SYN1: variants seen among roughly 807,000 people sequenced by gnomAD.
The protein encoded by SYN1 is synapsin I, also known as synapsin-1.
A neutral mutation model predicts 44.6 loss-of-function variants in SYN1; 8 were observed. The observed-to-expected ratio is 0.18, with a 90% CI of 0.11 to 0.32. The LOEUF is 0.32. SYN1 is among the 10% of genes least tolerant of loss of function. The pLI, the probability that SYN1 is intolerant of heterozygous loss-of-function variation, is 1.00. For missense variants in SYN1, 451 were observed against 639.4 expected (o/e 0.71, Z 3.18); for synonymous variants, 275 against 280.1 (o/e 0.98, Z 0.18).
intron 5 of SYN1, among the ~76,000 whole-genome samples, chrX:47,589,409 A>C (rs776248156): frequency 1.4e-3 from 152 of 108,342 alleles, no homozygotes; most frequent in East Asian, 8.4e-3. Flanking sequence ...CTGGCTAACA[A>C]GGTGAAACCC....
chrX:47,583,286 A>G lies in SYN1; in HGVS notation c.775-5785T>C, dbSNP rs41415045. Reference sequence around the variant, plus strand: ...AATCCCTAAGCTTACCAACCCCTCAAGCCCAAATCCAGCCCCCTAATCCCC... The same window carrying G: ...AATCCCTAAGCTTACCAACCCCTCAGGCCCAAATCCAGCCCCCTAATCCCC... On this transcript the variant is annotated intron_variant, in intron 5 of 12. Transcript: ENST00000295987. 2.5e-4 allele frequency: 125 copies of G among 491,170 alleles called. No homozygotes were observed. The African/African-American group carries it at 2.8e-3, about 11-fold the overall frequency. 40.5% of individuals were successfully genotyped at this position (491,170 alleles called of 1,213,427 possible).
chrX:47,613,376 G>A (rs770692582), intron 1 of SYN1, among the ~76,000 whole-genome samples: 22 of 111,198 alleles, frequency 2.0e-4, no homozygotes, highest in African/African-American at 6.5e-4. Flanking sequence ...CAGTGTTACT[G>A]CTGAATGTCC....
chrX:47,619,330 G>T, intron 1 of SYN1, 22 bp downstream of exon 1: 1 of 1,200,627 alleles, frequency 8.3e-7, no homozygotes, highest in South Asian at 1.8e-5. Flanking sequence ...GCCCACGGGA[G>T]ACGTCCGCGG....
intron 1 of SYN1, among the ~76,000 whole-genome samples, chrX:47,612,300 G>T (rs761524878): frequency 9.0e-6 from 1 of 110,752 alleles, no homozygotes; most frequent in Non-Finnish European, 1.9e-5. Context: ...GGCACCAAAT[G>T]ATTGTGCATC....
chrX:47,577,422 C>T lies in SYN1; in HGVS notation c.837+17G>A, dbSNP rs2057781358. On this transcript the variant is annotated intron_variant, in intron 6 of 12. Coordinates refer to ENST00000295987, the MANE Select transcript of SYN1 (RefSeq NM_006950.3). Reference sequence around the variant, plus strand: ...CAAATACACATCTACCTATGCACAGCCCAGCCAGAGACTCACCTTGCCCAT... The same window carrying T: ...CAAATACACATCTACCTATGCACAGTCCAGCCAGAGACTCACCTTGCCCAT... The T allele has an allele frequency of 3.3e-6, 4 of 1,204,388 alleles. No individual in the cohort carries two copies. The highest frequency in any genetic ancestry group is 4.5e-6 in the Non-Finnish European group (4 of 891,382).
chrX:47,603,908 T>TATATA (rs1569330170), intron 5 of SYN1, among the ~76,000 whole-genome samples: 59 of 81,774 alleles, frequency 7.2e-4, no homozygotes, highest in African/African-American at 2.3e-3. Flanking sequence ...ATATATATAT[T>TATATA]TTTTTTTTTT....
At chrX:47,606,199 A>T (rs959974646) in intron 3 of SYN1, among the ~76,000 whole-genome samples, 7 of 109,977 alleles carry the variant, frequency 6.4e-5, no homozygotes, top group Non-Finnish European at 1.3e-4. Flanking sequence ...GGCCACTGTT[A>T]TGTTTTTTCT....
At position 47,583,278 on chromosome X, in the gene SYN1, A is replaced by AC. The variant is rs747283862; in HGVS notation, c.775-5778dup. 5 of 445,945 alleles carry AC rather than the reference A, an allele frequency of 1.1e-5. No individual in the cohort carries two copies. In the East Asian group the frequency reaches 1.9e-4, roughly 17 times the overall value. The allele number at this position is 445,945 out of a possible 1,213,427, so 36.8% of individuals were successfully genotyped here. A position where few individuals can be genotyped will look rare whatever the true frequency, so the allele number is the denominator to read the frequency against. ...CCCCTTAAAATCCCTAAGCTTACCA[A>AC]CCCCTCAAGCCCAAATCCAGCCCCC... On this transcript the variant is annotated intron_variant, in intron 5 of 12. Coordinates refer to ENST00000295987, the MANE Select transcript of SYN1 (RefSeq NM_006950.3).
intron 5 of SYN1, among the ~76,000 whole-genome samples, chrX:47,580,397 G>A (rs1349506148): frequency 1.8e-5 from 2 of 109,252 alleles, no homozygotes; most frequent in East Asian, 5.9e-4. Flanking sequence ...TTGGGAGGCT[G>A]AGGTGGGCGG....
At chrX:47,594,330 A>G (rs1346156520) in intron 5 of SYN1, among the ~76,000 whole-genome samples, 1 of 81,643 alleles carries the variant, frequency 1.2e-5, no homozygotes, top group African/African-American at 4.6e-5. Flanking sequence ...CCAGGAGTTC[A>G]AGACCAGCCT....
intron 5 of SYN1, chrX:47,582,391 C>A (rs1040979130): frequency 2.4e-5 from 5 of 206,609 alleles, no homozygotes; most frequent in Non-Finnish European, 3.8e-5. Context: ...GCTGCCACCC[C>A]CGCCCCTAGC....
rs1205524356 is a variant in SYN1 at position 47,572,738 on chromosome X, G to A, written c.*126C>T. ...AAGGTACTCGGGGATCTTGAGGAAT[G>A]AGAGGTGGAATCTTGGAGAACCGGG... On this transcript the variant is annotated 3_prime_UTR_variant, in exon 13 of 13. Coordinates refer to ENST00000295987, the MANE Select transcript of SYN1 (RefSeq NM_006950.3). 9.9e-7 allele frequency: 1 copy of A among 1,014,904 alleles called. No individual in the cohort carries two copies. The highest frequency in any genetic ancestry group is 1.9e-5 in the African/African-American group (1 of 53,026). The allele number at this position is 1,014,904 out of a possible 1,213,427, so 83.6% of individuals were successfully genotyped here. A position where few individuals can be genotyped will look rare whatever the true frequency, so the allele number is the denominator to read the frequency against.
intron 5 of SYN1, chrX:47,586,093 C>T: frequency 1.1e-6 from 1 of 945,701 alleles, no homozygotes. Context: ...GAGGGTGTTA[C>T]ACTGACCTCC....
At chrX:47,591,719 TC>T (rs1204094877) in intron 5 of SYN1, among the ~76,000 whole-genome samples, 12 of 76,432 alleles carry the variant, frequency 1.6e-4, no homozygotes, top group South Asian at 6.6e-4. Flanking sequence ...ACACCCTGTC[TC>T]AAAAAAAAAA....
At chrX:47,603,906 ATTT>A (rs869237796) in intron 5 of SYN1, among the ~76,000 whole-genome samples, 8 of 94,765 alleles carry the variant, frequency 8.4e-5, no homozygotes, top group African/African-American at 2.7e-4. Context: ...ATATATATAT[ATTT>A]TTTTTTTTTT....
chrX:47,613,647 G>A (rs1427231259), intron 1 of SYN1, among the ~76,000 whole-genome samples: 1 of 111,759 alleles, frequency 8.9e-6, no homozygotes, highest in African/African-American at 3.3e-5. Context: ...TCAAACCAAA[G>A]GACACACTTT....
chrX:47,584,130 G>A (rs35777532), intron 5 of SYN1, among the ~76,000 whole-genome samples: 7,179 of 111,367 alleles, frequency 0.064, 195 homozygotes, highest in Non-Finnish European at 0.082. Context: ...CTTGCTGAAG[G>A]CAGGCCAAGG....
intron 1 of SYN1, among the ~76,000 whole-genome samples, chrX:47,617,141 G>A (rs1049602685): frequency 1.8e-5 from 2 of 111,575 alleles, no homozygotes; most frequent in African/African-American, 6.5e-5. Flanking sequence ...TGGAAAGGAT[G>A]CAATAAATAT....
At chrX:47,592,158 T>A (rs932360096) in intron 5 of SYN1, among the ~76,000 whole-genome samples, 5 of 110,716 alleles carry the variant, frequency 4.5e-5, no homozygotes, top group Admixed American at 1.9e-4. Context: ...CTAGGCAACA[T>A]AGCAAGACCG....
Sources: gnomAD v4.1 joint callset for allele counts (sites outside exome capture counted in the v4.1 genomes callset) on GRCh38, gnomAD v4.1.1 for gene constraint, MANE v1.5 for transcripts, NCBI Gene and HGNC (gene_info 2026-07-23, HGNC 2026-07-21) for gene names.